The following LIMCH1 variants were observed in gnomAD, a reference collection of about 807,000 sequenced individuals.
The protein encoded by LIMCH1 is LIM and calponin homology domains-containing protein 1.
In LIMCH1, 113 loss-of-function variants were observed where a neutral mutation model predicts 176.5. That is an observed-to-expected ratio of 0.64 (90% CI 0.55 to 0.75). The LOEUF (loss-of-function observed/expected upper bound fraction) is 0.75, where lower values mean the gene tolerates loss of function less well. Among genes scored for constraint, LIMCH1 ranks in the 30% least tolerant of loss-of-function variants. The probability of loss-of-function intolerance (pLI) is 0.00; values close to 1 mark genes in which losing one functional copy is unlikely to be tolerated. For synonymous variants in LIMCH1, 619 were observed against 645.9 expected, an observed-to-expected ratio of 0.96 and a Z score of 0.63; for missense variants, 1,674 against 1,814.9, an observed-to-expected ratio of 0.92 and a Z score of 1.41.
At chr4:41,520,214 C>T (rs1366548011) in intron 2 of LIMCH1, among the ~76,000 whole-genome samples, 1 of 152,072 alleles carries the variant, frequency 6.6e-6, no homozygotes, top group Non-Finnish European at 1.5e-5. Context: ...TTGCTTACAC[C>T]TTGGCCATCT....
At position 41,685,927 on chromosome 4, in the gene LIMCH1, A is replaced by G. The variant is rs556120332; in HGVS notation, c.4088+97A>G. The G allele has an allele frequency of 3.5e-4, 465 of 1,327,166 alleles. 7 individuals are homozygous for G. In the South Asian group the frequency reaches 6.6e-3, roughly 19 times the overall value. The allele number at this position is 1,327,166 out of a possible 1,614,324, so 82.2% of individuals were successfully genotyped here. On this transcript the variant is annotated intron_variant, in intron 28 of 31. Coordinates refer to ENST00000503057, the MANE Select transcript of LIMCH1 (RefSeq NM_001330672.2). The stretch of plus-strand genomic sequence containing the variant: ...GAAAAATGTGAGATGGCAAGAGGAC[A>G]GCAGCATTTTTGTGCTTTCTCTCCA...
intron 8 of LIMCH1, among the ~76,000 whole-genome samples, chr4:41,628,959 G>T (rs1024234117): frequency 6.6e-6 from 1 of 152,204 alleles, no homozygotes; most frequent in African/African-American, 2.4e-5. Context: ...GTTCAGAATT[G>T]ACTTAGATGT....
At chr4:41,632,367 C>G (rs1346319178) in intron 10 of LIMCH1, among the ~76,000 whole-genome samples, 1 of 151,274 alleles carries the variant, frequency 6.6e-6, no homozygotes, top group Non-Finnish European at 1.5e-5. Context: ...GTTCCAGACT[C>G]GGGGTGACAC....
At chr4:41,542,901 C>T (rs1338356801) in intron 1 of LIMCH1, among the ~76,000 whole-genome samples, 1 of 152,212 alleles carries the variant, frequency 6.6e-6, no homozygotes, top group African/African-American at 2.4e-5. Context: ...TAACATTGTC[C>T]TCACATTATT....
At chr4:41,370,185 C>T (rs534508733) in intron 1 of LIMCH1, among the ~76,000 whole-genome samples, 110 of 152,210 alleles carry the variant, frequency 7.2e-4, no homozygotes, top group Middle Eastern at 3.4e-3. Flanking sequence ...AGCATTCGGC[C>T]TTAGGGCTCT....
intron 1 of LIMCH1, among the ~76,000 whole-genome samples, chr4:41,491,504 G>T (rs1232139063): frequency 1.3e-5 from 2 of 151,390 alleles, no homozygotes; most frequent in Non-Finnish European, 2.9e-5. Context: ...AGACAGAGTG[G>T]CCAGGCAGAG....
chr4:41,547,863 G>GTATATATATATA lies in LIMCH1; in HGVS notation c.-241+9536_-241+9547dup, dbSNP rs573342962. 9.7e-3 allele frequency among the ~76,000 whole-genome samples: 905 copies of GTATATATATATA among 93,156 alleles called. 17 individuals are homozygous for GTATATATATATA. Among genetic ancestry groups the GTATATATATATA allele is most frequent in the Non-Finnish European group, 0.015 (747 of 49,944 alleles). 61.1% of individuals were successfully genotyped at this position (93,156 alleles called of 152,430 possible). A position where few individuals can be genotyped will look rare whatever the true frequency, so the allele number is the denominator to read the frequency against. On this transcript the variant is annotated intron_variant, in intron 1 of 31. Coordinates refer to ENST00000503057, the MANE Select transcript of LIMCH1 (RefSeq NM_001330672.2). ...TTTATGATATATAATTTGTGTGTGT[G>GTATATATATATA]TATATATATATATATATATATATAT... is the stretch of plus-strand genomic sequence containing the variant.
rs1562010164 is a variant in LIMCH1 at position 41,633,862 on chromosome 4, A to G, written c.2090+54A>G. 7 of 1,511,790 alleles carry G rather than the reference A, an allele frequency of 4.6e-6. No individual in the cohort carries two copies. The East Asian group carries it at 1.5e-4, about 32-fold the overall frequency. The allele number at this position is 1,511,790 out of a possible 1,614,324, so 93.6% of individuals were successfully genotyped here. On this transcript the variant is annotated intron_variant, in intron 13 of 31. Coordinates refer to ENST00000503057, the MANE Select transcript of LIMCH1 (RefSeq NM_001330672.2). ...CTTTGTTTCTCCAGTCTGAGCTTTCAGTGTGTTCTTAATGCATTATGGCAC... is the reference window on the plus strand; with the variant it reads ...CTTTGTTTCTCCAGTCTGAGCTTTCGGTGTGTTCTTAATGCATTATGGCAC...
intron 1 of LIMCH1, among the ~76,000 whole-genome samples, chr4:41,579,111 A>G (rs1275944446): frequency 6.6e-6 from 1 of 151,816 alleles, no homozygotes; most frequent in Non-Finnish European, 1.5e-5. Flanking sequence ...ATGGAGTAGC[A>G]CATATCTTGG....
chr4:41,567,569 G>C (rs1437881887), intron 1 of LIMCH1, among the ~76,000 whole-genome samples: 3 of 152,126 alleles, frequency 2.0e-5, no homozygotes, highest in Non-Finnish European at 2.9e-5. Flanking sequence ...ACTGAGTTAG[G>C]TGCTATACTT....
intron 1 of LIMCH1, among the ~76,000 whole-genome samples, chr4:41,377,614 C>G (rs1472520573): frequency 6.6e-6 from 1 of 152,120 alleles, no homozygotes; most frequent in African/African-American, 2.4e-5. Context: ...TTTTCTGTTG[C>G]TATAACTAAA....
intron 1 of LIMCH1, among the ~76,000 whole-genome samples, chr4:41,393,540 C>T (rs545501037): frequency 1.1e-4 from 16 of 152,242 alleles, no homozygotes; most frequent in African/African-American, 3.1e-4. Context: ...ATGTGTGTTC[C>T]AGTTACTCAT....
chr4:41,603,292 T>G (rs559997538), intron 2 of LIMCH1, among the ~76,000 whole-genome samples: 9 of 151,808 alleles, frequency 5.9e-5, no homozygotes, highest in African/African-American at 2.2e-4. Flanking sequence ...AGTTAGAGAG[T>G]AAACATGGGT....
At chr4:41,669,574 G>C (rs1222713547) in intron 21 of LIMCH1, among the ~76,000 whole-genome samples, 1 of 152,112 alleles carries the variant, frequency 6.6e-6, no homozygotes, top group African/African-American at 2.4e-5. Flanking sequence ...TGCTCATGCT[G>C]CACATCTCAC....
intron 1 of LIMCH1, among the ~76,000 whole-genome samples, chr4:41,441,518 G>A (rs1240705391): frequency 1.3e-5 from 2 of 152,032 alleles, no homozygotes; most frequent in African/African-American, 2.4e-5. Flanking sequence ...GGTGGGAGTG[G>A]AATTTGCATT....
chr4:41,576,868 A>G (rs1380722200), intron 1 of LIMCH1, among the ~76,000 whole-genome samples: 1 of 152,140 alleles, frequency 6.6e-6, no homozygotes, highest in East Asian at 1.9e-4. Context: ...ATGGAGGAGG[A>G]TGTGGAATAC....
chr4:41,675,247 C>G (rs1048411309), intron 22 of LIMCH1, among the ~76,000 whole-genome samples: 1 of 151,720 alleles, frequency 6.6e-6, no homozygotes, highest in Non-Finnish European at 1.5e-5. Flanking sequence ...CCAGCCCACC[C>G]GCCATGCACC....
In LIMCH1 at chr4:41,385,466, TA is replaced by T. The variant is rs1452307644; in HGVS notation, c.96+24535del. Among the ~76,000 whole-genome samples the T allele has an allele frequency of 3.3e-5, 5 of 152,336 alleles. No homozygotes were observed. In the East Asian group the frequency reaches 9.6e-4, roughly 29 times the overall value. ...TAAATTTCTGTGGCAATGGGCTTAT[TA>T]AAAATGTAATTTTGTGCATGGTGAT... On this transcript the variant is annotated intron_variant, in intron 1 of 26. Coordinates refer to the LIMCH1 transcript ENST00000313860.
intron 1 of LIMCH1, among the ~76,000 whole-genome samples, chr4:41,460,154 A>G (rs1286805339): frequency 1.3e-5 from 2 of 152,186 alleles, no homozygotes; most frequent in East Asian, 1.9e-4. Flanking sequence ...CTAATTGACT[A>G]TAAAAATCTG....
Sources: gnomAD v4.1 joint callset for allele counts (sites outside exome capture counted in the v4.1 genomes callset) on GRCh38, gnomAD v4.1.1 for gene constraint, MANE v1.5 for transcripts, NCBI Gene and HGNC (gene_info 2026-07-23, HGNC 2026-07-21) for gene names.